The following CFAP54 variants were observed in gnomAD, a reference collection of about 807,000 sequenced individuals.
The protein encoded by CFAP54 is cilia- and flagella-associated protein 54.
A neutral mutation model predicts 370.4 loss-of-function variants in CFAP54; 290 were observed. The observed-to-expected ratio is 0.78, with a 90% CI of 0.71 to 0.86. CFAP54 has a LOEUF of 0.86. CFAP54 is among the 40% of genes least tolerant of loss of function. The pLI is 0.00. For synonymous variants in CFAP54, 1,206 were observed against 1,236.5 expected (o/e 0.98, Z 0.52); for missense variants, 3,399 against 3,528.7 (o/e 0.96, Z 0.93).
Position 96,722,916 on chromosome 12 carries a change from G to A in CFAP54, c.6965+2351G>A, listed in dbSNP as rs577472667. Among the ~76,000 whole-genome samples, 361 of 152,194 alleles carry A rather than the reference G, an allele frequency of 2.4e-3. 1 individual carries two copies. The highest frequency in any genetic ancestry group is 8.2e-3 in the African/African-American group (339 of 41,520). ...ACTGAAATGGGGAGGTTGTAGGGGT[G>A]CAGCTTATTTAGGGGAAACACCAGG... is the stretch of plus-strand genomic sequence containing the variant. On this transcript the variant is annotated intron_variant, in intron 50 of 67. Transcript: ENST00000524981.
intron 14 of CFAP54, among the ~76,000 whole-genome samples, chr12:96,544,435 TC>T (rs1955615707): frequency 6.6e-6 from 1 of 151,550 alleles, no homozygotes; most frequent in Non-Finnish European, 1.5e-5. Context: ...TCTCTCTCTC[TC>T]TCTCTCTGAC....
chr12:96,664,783 A>ATATCTATC (rs1565934522), intron 39 of CFAP54, among the ~76,000 whole-genome samples: 81 of 14,812 alleles, frequency 5.5e-3, no homozygotes, highest in Middle Eastern at 0.036. Context: ...ATATCTATAT[A>ATATCTATC]TATATATATA....
chr12:96,699,940 T>TA lies in CFAP54; in HGVS notation c.6352-29dup, dbSNP rs766769469. 3 of 1,509,028 alleles carry TA rather than the reference T, an allele frequency of 2.0e-6. No individual in the cohort carries two copies. The African/African-American group carries it at 4.2e-5, about 21-fold the overall frequency. The allele number at this position is 1,509,028 out of a possible 1,614,324, so 93.5% of individuals were successfully genotyped here. A position where few individuals can be genotyped will look rare whatever the true frequency, so the allele number is the denominator to read the frequency against. ...TTCTAAGTAAAACAAATTGTTTAAT[T>TA]AAGTACCTCATTATTTCCTTTCCTT... On this transcript the variant is annotated intron_variant, in intron 45 of 67. Coordinates refer to ENST00000524981, the MANE Select transcript of CFAP54 (RefSeq NM_001306084.2).
intron 33 of CFAP54, 38 bp from the exon 34 acceptor site, chr12:96,647,836 CT>C: frequency 6.9e-7 from 1 of 1,455,186 alleles, no homozygotes; most frequent in East Asian, 2.6e-5. Flanking sequence ...TTCAATTTTG[CT>C]TATATTGTTT....
intron 9 of CFAP54, among the ~76,000 whole-genome samples, chr12:96,530,111 A>G (rs761319043): frequency 6.6e-6 from 1 of 152,182 alleles, no homozygotes; most frequent in Non-Finnish European, 1.5e-5. Context: ...AGTATCCCTT[A>G]GTCATAAATT....
intron 19 of CFAP54, chr12:96,572,947 G>T: frequency 1.0e-6 from 1 of 985,424 alleles, no homozygotes; most frequent in Non-Finnish European, 1.2e-6. Context: ...AATTAAGTCA[G>T]AAGGTGCTAG....
chr12:96,694,068 G>C (rs954951492), intron 45 of CFAP54, among the ~76,000 whole-genome samples: 5 of 152,182 alleles, frequency 3.3e-5, no homozygotes, highest in Admixed American at 2.6e-4. Flanking sequence ...CAACTGGCCT[G>C]GAAATCACCA....
At chr12:96,587,109 G>A (rs995426249) in intron 22 of CFAP54, among the ~76,000 whole-genome samples, 3 of 152,150 alleles carry the variant, frequency 2.0e-5, no homozygotes, top group African/African-American at 4.8e-5. Flanking sequence ...GTGGAGGTTC[G>A]GGGGAGTGGG....
At chr12:96,589,735 A>G (rs1423558908) in intron 23 of CFAP54, among the ~76,000 whole-genome samples, 172 bp downstream of exon 23, 1 of 151,862 alleles carries the variant, frequency 6.6e-6, no homozygotes, top group African/African-American at 2.4e-5. Context: ...TGCTTGTTAG[A>G]AACTTTCTTT....
At chr12:96,522,306 C>T (rs1467663284) in intron 8 of CFAP54, 117 bp downstream of exon 8, 2 of 653,010 alleles carry the variant, frequency 3.1e-6, no homozygotes, top group African/African-American at 1.8e-5. Flanking sequence ...GTTCTCTGCC[C>T]TAATGGGTAA....
intron 45 of CFAP54, among the ~76,000 whole-genome samples, chr12:96,698,177 G>A (rs1394561593): frequency 6.6e-6 from 1 of 152,184 alleles, no homozygotes; most frequent in African/African-American, 2.4e-5. Flanking sequence ...TAACCTCCAA[G>A]AGGGCTTGGT....
chr12:96,631,689 A>T (rs1297909700), intron 32 of CFAP54, among the ~76,000 whole-genome samples: 1 of 149,470 alleles, frequency 6.7e-6, no homozygotes, highest in Non-Finnish European at 1.5e-5. Flanking sequence ...ATAATTTAAC[A>T]TGCATAAACA....
rs147619378 is a variant in CFAP54 at position 96,705,321 on chromosome 12, A to G, written c.6528+525A>G. Among the ~76,000 whole-genome samples the G allele has an allele frequency of 3.4e-3, 520 of 152,122 alleles. 1 individual carries two copies. Among genetic ancestry groups the G allele is most frequent in the Admixed American group, 5.7e-3 (87 of 15,278 alleles). On this transcript the variant is annotated intron_variant, in intron 47 of 67. Transcript: ENST00000524981. ...TTTTGTCTTCCATAATTTTAATAGGACTATATCTAACTTTTATTAAATGTA... is the reference window on the plus strand; with the variant it reads ...TTTTGTCTTCCATAATTTTAATAGGGCTATATCTAACTTTTATTAAATGTA...
chr12:96,563,357 G>T (rs1955834982), intron 17 of CFAP54, among the ~76,000 whole-genome samples: 1 of 152,042 alleles, frequency 6.6e-6, no homozygotes, highest in Non-Finnish European at 1.5e-5. Context: ...TCTTTCTTTA[G>T]CATGCTGTTG....
intron 60 of CFAP54, among the ~76,000 whole-genome samples, chr12:96,771,448 G>A (rs189460916): frequency 1.1e-4 from 16 of 152,186 alleles, no homozygotes; most frequent in Middle Eastern, 6.8e-3. Context: ...GTCAGGAGAT[G>A]GAGACCATCC....
chr12:96,623,082 A>G (rs1169089071), intron 27 of CFAP54, among the ~76,000 whole-genome samples: 1 of 152,146 alleles, frequency 6.6e-6, no homozygotes, highest in Non-Finnish European at 1.5e-5. Context: ...CTTTCAGTCC[A>G]GCAGAAGGTT....
chr12:96,702,990 C>T (rs948838091), intron 46 of CFAP54, among the ~76,000 whole-genome samples: 2 of 152,142 alleles, frequency 1.3e-5, no homozygotes, highest in African/African-American at 4.8e-5. Flanking sequence ...ATTAAACTCT[C>T]TTTAATGTAT....
chr12:96,502,972 C>G (rs1389389170), intron 2 of CFAP54, among the ~76,000 whole-genome samples: 1 of 151,938 alleles, frequency 6.6e-6, no homozygotes, highest in Non-Finnish European at 1.5e-5. Flanking sequence ...CTTTTATTTT[C>G]TCTTCTTTGG....
chr12:96,513,944 A>G (rs1955202653), intron 5 of CFAP54, among the ~76,000 whole-genome samples: 1 of 152,190 alleles, frequency 6.6e-6, no homozygotes, highest in East Asian at 1.9e-4. Context: ...TTTATTTTAT[A>G]ATAAGATTCT....
Sources: gnomAD v4.1 joint callset for allele counts (sites outside exome capture counted in the v4.1 genomes callset) on GRCh38, gnomAD v4.1.1 for gene constraint, MANE v1.5 for transcripts, NCBI Gene and HGNC (gene_info 2026-07-23, HGNC 2026-07-21) for gene names.